MGAT4B: variants seen among roughly 807,000 people sequenced by gnomAD.
The protein encoded by MGAT4B is N-acetylglucosaminyltransferase IVb.
In MGAT4B, 38 loss-of-function variants were observed where a neutral mutation model predicts 73.9. That is an observed-to-expected ratio of 0.51 (90% CI 0.40 to 0.67). The LOEUF (loss-of-function observed/expected upper bound fraction) is 0.67, where lower values mean the gene tolerates loss of function less well. Among genes scored for constraint, MGAT4B ranks in the 30% least tolerant of loss-of-function variants. The pLI is 0.00. For missense variants in MGAT4B, 686 were observed against 735.2 expected, an observed-to-expected ratio of 0.93 and a Z score of 0.77; for synonymous variants, 373 against 313.5, an observed-to-expected ratio of 1.19 and a Z score of -2.01.
chr5:179,801,340 G>T lies in MGAT4B; in HGVS notation c.552C>A (p.Ile184=), dbSNP rs755358594. The change falls in exon 4 of 15, where the codon ATC becomes ATA. Residue 184 remains isoleucine, a synonymous_variant. Transcript: ENST00000292591. The surrounding 1 kb of genome is among the most constrained non-coding windows in gnomAD (Gnocchi z 4.8). ...EKEDSVIVVL[I]AETDSQYTSA... is the part of the protein sequence containing the mutation. The stretch of plus-strand genomic sequence containing the variant: ...CGCGTCCCGGCTCACTCGCCTCGGC[G>T]ATCAGCACCACGATGACCGAGTCCT... 1.2e-6 allele frequency: 2 copies of T among 1,609,248 alleles called. No individual in the cohort carries two copies. The highest frequency in any genetic ancestry group is 1.1e-5 in the South Asian group (1 of 90,902).
chr5:179,799,143 A>T, intron 10 of MGAT4B, 22 bp from the exon 11 acceptor site: 8 of 1,613,942 alleles, frequency 5.0e-6, no homozygotes, highest in Non-Finnish European at 6.8e-6. Context: ...GAGGGACAGC[A>T]GTGATGGCGT....
intron 13 of MGAT4B, 27 bp from the exon 14 acceptor site, chr5:179,798,304 G>A (rs747872224): frequency 2.5e-6 from 4 of 1,612,614 alleles, no homozygotes; most frequent in Admixed American, 3.3e-5. Context: ...GTGAGAGGGT[G>A]TCCCTGAACC....
chr5:179,803,509 CCACCTG>C (rs1312988965), intron 1 of MGAT4B: 3 of 152,736 alleles, frequency 2.0e-5, no homozygotes, highest in East Asian at 1.9e-4. Flanking sequence ...GGGTTCAGAG[CCACCTG>C]CACCTGCAGG....
rs759431944 is a variant in MGAT4B, at chr5:179,801,317, C to T, written c.558+17G>A. The T allele has an allele frequency of 7.5e-6, 12 of 1,600,510 alleles. No individual in the cohort carries two copies. The African/African-American group carries it at 1.2e-4, about 16-fold the overall frequency. ...CTCCTCTGAATGTCCCCCAACCCCG[C>T]GTCCCGGCTCACTCGCCTCGGCGAT... On this transcript the variant is annotated intron_variant, in intron 4 of 14. Coordinates refer to ENST00000292591, the MANE Select transcript of MGAT4B (RefSeq NM_014275.5). The surrounding 1 kb of genome is among the most constrained non-coding windows in gnomAD (Gnocchi z 4.8).
Position 179,799,298 on chromosome 5 carries a change from G to A in MGAT4B, c.1054C>T (p.Arg352Trp), listed in dbSNP as rs777600325. Residue 352 changes from arginine (R) to tryptophan (W), a missense_variant, in exon 10 of 15, where the codon CGG becomes TGG. By Grantham distance (101) the Arg-to-Trp change is moderately radical. Transcript: ENST00000292591. ...CGGATCCGCAGGTTGGCTTTCTGCC[G>A]GTCACAGTGCTTCTGTGGAGGGTGG... Reference protein sequence around the residue: ...NPEKDAKHCDRQKANLRIRFK... With the variant: ...NPEKDAKHCDWQKANLRIRFK... 5.0e-6 allele frequency: 8 copies of A among 1,613,568 alleles called. No homozygotes were observed. Among genetic ancestry groups the A allele is most frequent in the Non-Finnish European group, 5.1e-6 (6 of 1,179,990 alleles).
At position 179,797,753 on chromosome 5, in the gene MGAT4B, C is replaced by A. The variant is rs745916227; in HGVS notation, c.*292G>T. On this transcript the variant is annotated 3_prime_UTR_variant, in exon 15 of 15. Coordinates refer to ENST00000292591, the MANE Select transcript of MGAT4B (RefSeq NM_014275.5). The stretch of plus-strand genomic sequence containing the variant: ...GTGTTCGCGCCAGAGACGGCGGGCG[C>A]CCAAGTAAAAGCTCTTCTAAAACGG... The A allele has an allele frequency of 7.1e-5, 28 of 393,176 alleles. No individual in the cohort carries two copies. Among genetic ancestry groups the A allele is most frequent in the Non-Finnish European group, 1.3e-4 (28 of 220,114 alleles). 24.4% of individuals were successfully genotyped at this position (393,176 alleles called of 1,614,324 possible). A position where few individuals can be genotyped will look rare whatever the true frequency, so the allele number is the denominator to read the frequency against.
intron 7 of MGAT4B, 43 bp downstream of exon 7, chr5:179,800,126 CCATCGCAGGGCAGGG>C: frequency 6.2e-7 from 1 of 1,608,946 alleles, no homozygotes; most frequent in Non-Finnish European, 8.5e-7. Context: ...TGGACCAGAC[CCATCGCAGGGCAGGG>C]CGGCGCAGGG....
Position 179,798,151 on chromosome 5 carries a change from C to A in MGAT4B, c.1623+14G>T. ...GCTGCTCCCCGTGCCTGGCCTGGCC[C>A]TGCCCAGCCTCACCTCGCTCAGAAT... is the stretch of plus-strand genomic sequence containing the variant. On this transcript the variant is annotated intron_variant, in intron 14 of 14. Transcript: ENST00000292591. 6.3e-7 allele frequency: 1 copy of A among 1,589,542 alleles called. No individual in the cohort carries two copies. The highest frequency in any genetic ancestry group is 1.8e-5 in the Admixed American group (1 of 56,096).
rs1043343783 is a variant in MGAT4B at position 179,797,850 on chromosome 5, G to A, written c.*195C>T. 7.0e-6 allele frequency: 5 copies of A among 710,600 alleles called. No individual in the cohort carries two copies. The highest frequency in any genetic ancestry group is 3.8e-5 in the African/African-American group (2 of 53,276). The allele number at this position is 710,600 out of a possible 1,614,324, so 44.0% of individuals were successfully genotyped here. ...AGTGTGGGGGCCGCCTGCCTCCTCC[G>A]CGGCCCGGCGGGCGGGGGCAGCACC... On this transcript the variant is annotated 3_prime_UTR_variant, in exon 15 of 15. Coordinates refer to ENST00000292591, the MANE Select transcript of MGAT4B (RefSeq NM_014275.5).
rs757785696 is a variant in MGAT4B, at chr5:179,797,999, TGTG to T, written c.*43_*45del. The T allele has an allele frequency of 6.3e-7, 1 of 1,589,644 alleles. No individual in the cohort carries two copies. Among genetic ancestry groups the T allele is most frequent in the Non-Finnish European group, 8.6e-7 (1 of 1,167,942 alleles). ...ACGGCAGTGACGACACCCCCAGAAA[TGTG>T]GGCTTCAGGGCTGGCCACAGGGTAC... On this transcript the variant is annotated 3_prime_UTR_variant, in exon 15 of 15. Coordinates refer to ENST00000292591, the MANE Select transcript of MGAT4B (RefSeq NM_014275.5).
intron 10 of MGAT4B, 30 bp from the exon 11 acceptor site, chr5:179,799,151 C>T (rs775396214): frequency 2.0e-5 from 33 of 1,613,824 alleles, no homozygotes; most frequent in Middle Eastern, 1.6e-4. Context: ...GCAGTGATGG[C>T]GTGGGCCCCG....
intron 1 of MGAT4B, chr5:179,802,822 C>A: frequency 1.0e-6 from 1 of 985,558 alleles, no homozygotes; most frequent in Non-Finnish European, 1.2e-6. Context: ...GGCTCGGTGC[C>A]CACAGTCCAC....
rs1392501507 is a variant in MGAT4B at position 179,806,467 on chromosome 5, C to T, written c.97+20G>A. On this transcript the variant is annotated intron_variant, in intron 1 of 14. Transcript: ENST00000292591. The surrounding 1 kb of genome is among the most constrained non-coding windows in gnomAD (Gnocchi z 4.6). ...ACGCCCAGGTGCGCCAGGTGCGGGCCGGGCGGGGGTCGCGCTCACCTTTCT... is the reference window on the plus strand; with the variant it reads ...ACGCCCAGGTGCGCCAGGTGCGGGCTGGGCGGGGGTCGCGCTCACCTTTCT... The T allele has an allele frequency of 2.4e-6, 3 of 1,254,868 alleles. No individual in the cohort carries two copies. Among genetic ancestry groups the T allele is most frequent in the Non-Finnish European group, 3.1e-6 (3 of 973,222 alleles). 77.7% of individuals were successfully genotyped at this position (1,254,868 alleles called of 1,614,324 possible).
In MGAT4B at chr5:179,799,295, G is replaced by A; in HGVS notation, c.1057C>T (p.Gln353Ter). The A allele has an allele frequency of 6.2e-7, 1 of 1,613,788 alleles. No individual in the cohort carries two copies. The highest frequency in any genetic ancestry group is 8.5e-7 in the Non-Finnish European group (1 of 1,180,000). ...PEKDAKHCDR[Q>*]KANLRIRFKP... ...AAGCGGATCCGCAGGTTGGCTTTCTGCCGGTCACAGTGCTTCTGTGGAGGG... is the reference window on the plus strand; with the variant it reads ...AAGCGGATCCGCAGGTTGGCTTTCTACCGGTCACAGTGCTTCTGTGGAGGG... Residue 353 changes from glutamine to a stop codon, truncating the protein, a stop_gained, in exon 10 of 15, where the codon CAG (glutamine) becomes TAG (stop). Transcript: ENST00000292591. LOFTEE classifies it high-confidence loss of function.
At position 179,801,883 on chromosome 5, in the gene MGAT4B, T is replaced by A; in HGVS notation, c.184A>T (p.Lys62Ter). 1.2e-6 allele frequency: 2 copies of A among 1,612,978 alleles called. No individual in the cohort carries two copies. The highest frequency in any genetic ancestry group is 1.7e-6 in the Non-Finnish European group (2 of 1,179,608). The change falls in exon 2 of 15, where the codon AAG becomes TAG. Residue 62 changes from lysine (K) to a stop codon, truncating the protein, a stop_gained. Coordinates refer to ENST00000292591, the MANE Select transcript of MGAT4B (RefSeq NM_014275.5). LOFTEE classifies it high-confidence loss of function. The surrounding 1 kb of genome is among the most constrained non-coding windows in gnomAD (Gnocchi z 4.8). ...TCGTCCAGCACCAGGTTGAGCTCCT[T>A]GGAGCGCTTGAGGCTCTCCTGCTCA... ...AAEQESLKRS[K>*]ELNLVLDEIK...
chr5:179,800,447 AGGCG>A, intron 6 of MGAT4B, 33 bp downstream of exon 6: 1 of 1,480,164 alleles, frequency 6.8e-7, no homozygotes, highest in Non-Finnish European at 9.4e-7. Context: ...CAGCACAGGC[AGGCG>A]GGTTGCTGAG....
At chr5:179,799,334 A>G (rs765262613) in intron 9 of MGAT4B, 24 bp from the exon 10 acceptor site, 3 of 1,610,994 alleles carry the variant, frequency 1.9e-6, no homozygotes, top group South Asian at 1.1e-5. Context: ...GCAACACCCC[A>G]GGGCTCGGCT....
Position 179,806,600 on chromosome 5 carries a change from C to T in MGAT4B, c.-17G>A, listed in dbSNP as rs1323352719. The T allele has an allele frequency of 3.3e-6, 4 of 1,216,978 alleles. No individual in the cohort carries two copies. Among genetic ancestry groups the T allele is most frequent in the South Asian group, 1.7e-5 (1 of 57,236 alleles). The allele number at this position is 1,216,978 out of a possible 1,614,324, so 75.4% of individuals were successfully genotyped here. A position where few individuals can be genotyped will look rare whatever the true frequency, so the allele number is the denominator to read the frequency against. On this transcript the variant is annotated 5_prime_UTR_variant, in exon 1 of 15. Transcript: ENST00000292591. The surrounding 1 kb of genome is among the most constrained non-coding windows in gnomAD (Gnocchi z 4.6). ...GAGCCTCATCTCCTCGGGTGCGCGG[C>T]GGGCGCCCGCGGGGCCGAGGCTGCA...
chr5:179,800,804 G>A (rs1022759193), intron 5 of MGAT4B, 103 bp downstream of exon 5: 82 of 1,274,998 alleles, frequency 6.4e-5, no homozygotes, highest in Non-Finnish European at 8.8e-5. Context: ...GCCTCCCCAC[G>A]AGATAGGAAA....
Sources: gnomAD v4.1 joint callset for allele counts on GRCh38, gnomAD v4.1.1 for gene constraint, Gnocchi (gnomAD v3.1) non-coding constraint, MANE v1.5 for transcripts, NCBI Gene and HGNC (gene_info 2026-07-23, HGNC 2026-07-21) for gene names.